KCTD16: variants seen among roughly 807,000 people sequenced by gnomAD.
KCTD16 encodes BTB/POZ domain-containing protein KCTD16.
A neutral mutation model predicts 33.2 loss-of-function variants in KCTD16; 13 were observed. That is an observed-to-expected ratio of 0.39 (90% CI 0.25 to 0.62). KCTD16 has a LOEUF of 0.62. KCTD16 is among the 20% of genes least tolerant of loss of function. KCTD16 has a pLI of 0.50. For missense variants in KCTD16, 441 were observed against 525.1 expected, an observed-to-expected ratio of 0.84 and a Z score of 1.57; for synonymous variants, 197 against 195.3, an observed-to-expected ratio of 1.01 and a Z score of -0.07.
intron 3 of KCTD16, among the ~76,000 whole-genome samples, chr5:144,294,759 G>A (rs2126864951): frequency 6.6e-6 from 1 of 152,260 alleles, no homozygotes; most frequent in East Asian, 1.9e-4. Context: ...ATGTGCATAT[G>A]CCATCTTAAC....
Position 144,482,156 on chromosome 5 carries a change from CCT to C in KCTD16, c.*8048_*8049del, listed in dbSNP as rs1754716167. On this transcript the variant is annotated 3_prime_UTR_variant, in exon 4 of 4. Coordinates refer to ENST00000512467, the MANE Select transcript of KCTD16 (RefSeq NM_020768.4). ...TGTTCTCTGAACTTTGCCTGTTTCT[CCT>C]CTCTCCTATGCTAAACAAGGTGAGA... 6.6e-6 allele frequency: 1 copy of C among 151,932 alleles called. No homozygotes were observed. The highest frequency in any genetic ancestry group is 1.5e-5 in the Non-Finnish European group (1 of 67,944). 9.4% of individuals were successfully genotyped at this position (151,932 alleles called of 1,614,324 possible). A position where few individuals can be genotyped will look rare whatever the true frequency, so the allele number is the denominator to read the frequency against.
intron 3 of KCTD16, among the ~76,000 whole-genome samples, chr5:144,215,419 C>G (rs1008515510): frequency 1.3e-5 from 2 of 152,210 alleles, no homozygotes; most frequent in African/African-American, 4.8e-5. Flanking sequence ...TTTCTTACTG[C>G]CAAAGTATTC....
chr5:144,344,997 C>T (rs1752751399), intron 3 of KCTD16, among the ~76,000 whole-genome samples: 1 of 151,636 alleles, frequency 6.6e-6, no homozygotes, highest in African/African-American at 2.4e-5. Context: ...AAATGTGGCA[C>T]ATATACACCA....
At chr5:144,322,266 C>A (rs1243976628) in intron 3 of KCTD16, among the ~76,000 whole-genome samples, 2 of 152,102 alleles carry the variant, frequency 1.3e-5, no homozygotes, top group African/African-American at 4.8e-5. Flanking sequence ...ATCCCCAAGT[C>A]TATGAGGGAA....
Position 144,206,896 on chromosome 5 carries a change from C to A in KCTD16, c.182C>A (p.Thr61Lys). The part of the protein sequence containing the change: ...LWKMFSPKRD[T>K]ANDLAKDSKG... ...AAAATGTTTTCCCCAAAGAGAGACA[C>A]GGCTAATGATCTAGCCAAGGACTCC... Residue 61 changes from threonine to lysine, a missense_variant, in exon 3 of 4, where the codon ACG becomes AAG. Coordinates refer to ENST00000512467, the MANE Select transcript of KCTD16 (RefSeq NM_020768.4). The A allele has an allele frequency of 6.2e-7, 1 of 1,614,124 alleles. No individual in the cohort carries two copies. Among genetic ancestry groups the A allele is most frequent in the Non-Finnish European group, 8.5e-7 (1 of 1,180,012 alleles).
intron 2 of KCTD16, among the ~76,000 whole-genome samples, chr5:144,196,469 C>T (rs1197209000): frequency 6.6e-6 from 1 of 152,122 alleles, no homozygotes; most frequent in East Asian, 1.9e-4. Context: ...TTCTCCATCC[C>T]TAGCCCTTTC....
intron 3 of KCTD16, among the ~76,000 whole-genome samples, chr5:144,304,153 A>G (rs1751523444): frequency 6.6e-6 from 1 of 152,246 alleles, no homozygotes; most frequent in Admixed American, 6.5e-5. Flanking sequence ...CAAGTAAATC[A>G]TGTGAGGATA....
At chr5:144,208,804 G>C (rs1036202415) in intron 3 of KCTD16, among the ~76,000 whole-genome samples, 3 of 152,132 alleles carry the variant, frequency 2.0e-5, no homozygotes, top group Non-Finnish European at 2.9e-5. Flanking sequence ...AGAACAACCT[G>C]TGGAAAAAAA....
chr5:144,176,387 CTTTTTTTTTT>C (rs368578231), intron 2 of KCTD16, among the ~76,000 whole-genome samples: 5 of 106,660 alleles, frequency 4.7e-5, no homozygotes, highest in African/African-American at 6.8e-5. Flanking sequence ...TATAGTGTTT[CTTTTTTTTTT>C]TTTTTTTTTT....
At chr5:144,417,235 T>C (rs1415675406) in intron 3 of KCTD16, among the ~76,000 whole-genome samples, 1 of 152,152 alleles carries the variant, frequency 6.6e-6, no homozygotes, top group Non-Finnish European at 1.5e-5. Flanking sequence ...TCATCACCAA[T>C]GTGGAGAGTT....
chr5:144,206,204 T>C (rs559936685), intron 2 of KCTD16, among the ~76,000 whole-genome samples, 185 bp from the exon 3 acceptor site: 1 of 152,334 alleles, frequency 6.6e-6, no homozygotes, highest in South Asian at 2.1e-4. Context: ...AGGCACAAAA[T>C]AGCATGAGAG....
chr5:144,322,742 C>A (rs28670770), intron 3 of KCTD16, among the ~76,000 whole-genome samples: 14,335 of 144,302 alleles, frequency 0.099, 1,698 homozygotes, highest in African/African-American at 0.29. Context: ...AAAAAAAAAA[C>A]AAAAACTTCT....
intron 3 of KCTD16, among the ~76,000 whole-genome samples, chr5:144,357,192 C>T (rs546237979): frequency 2.6e-5 from 4 of 152,138 alleles, no homozygotes; most frequent in Admixed American, 2.6e-4. Context: ...ACAAGGCTGC[C>T]AGTCACTTAT....
rs987161712 is a variant in KCTD16 at position 144,483,414 on chromosome 5, T to A, written c.*9300T>A. ...TAGTAAATAATTTATAATATGCATA[T>A]TGTAAATAGATACTAAAAGTCATGG... On this transcript the variant is annotated 3_prime_UTR_variant, in exon 4 of 4. Coordinates refer to ENST00000512467, the MANE Select transcript of KCTD16 (RefSeq NM_020768.4). The A allele has an allele frequency of 3.9e-5, 6 of 151,928 alleles. No homozygotes were observed. The highest frequency in any genetic ancestry group is 1.4e-4 in the African/African-American group (6 of 41,400). The allele number at this position is 151,928 out of a possible 1,614,324, so 9.4% of individuals were successfully genotyped here.
At chr5:144,417,583 T>G (rs1196021240) in intron 3 of KCTD16, among the ~76,000 whole-genome samples, 2 of 152,202 alleles carry the variant, frequency 1.3e-5, no homozygotes, top group Non-Finnish European at 2.9e-5. Context: ...TTTGACAATT[T>G]CTTAGAACAA....
At chr5:144,279,693 C>T (rs1755547752) in intron 3 of KCTD16, among the ~76,000 whole-genome samples, 2 of 152,210 alleles carry the variant, frequency 1.3e-5, no homozygotes, top group Admixed American at 1.3e-4. Flanking sequence ...ATAACAAATC[C>T]ACTCTAGTGG....
Position 144,226,061 on chromosome 5 carries a change from T to A in KCTD16, c.832+18515T>A, listed in dbSNP as rs77951791. On this transcript the variant is annotated intron_variant, in intron 3 of 3. Transcript: ENST00000512467. ...AAGTATACACTTTTGCTTTTCCTTA[T>A]CTCTTATGGTTTTTGTTTTTCTCCA... Among the ~76,000 whole-genome samples, 1,478 of 152,326 alleles carry A rather than the reference T, an allele frequency of 9.7e-3. 22 individuals carry two copies. The highest frequency in any genetic ancestry group is 0.033 in the African/African-American group (1,390 of 41,568).
In KCTD16 at chr5:144,206,761, G is replaced by T. The variant is rs1183994388; in HGVS notation, c.47G>T (p.Gly16Val). The T allele has an allele frequency of 1.9e-6, 3 of 1,614,050 alleles. No individual in the cohort carries two copies. Among genetic ancestry groups the T allele is most frequent in the East Asian group, 4.5e-5 (2 of 44,854 alleles). ...NCSRYYPREQ[G>V]SAVPNSFPEV... Reference sequence around the variant, plus strand: ...AGTCGTTATTATCCTCGAGAACAAGGGTCCGCAGTTCCCAACTCCTTCCCT... The same window carrying T: ...AGTCGTTATTATCCTCGAGAACAAGTGTCCGCAGTTCCCAACTCCTTCCCT... Residue 16 changes from glycine to valine, a missense_variant, in exon 3 of 4, where the codon GGG becomes GTG. Coordinates refer to ENST00000512467, the MANE Select transcript of KCTD16 (RefSeq NM_020768.4).
chr5:144,292,534 G>T (rs1755923163), intron 3 of KCTD16, among the ~76,000 whole-genome samples: 1 of 152,132 alleles, frequency 6.6e-6, no homozygotes, highest in Non-Finnish European at 1.5e-5. Context: ...CCCTAGACGT[G>T]CTGCTTTGTG....
Sources: allele counts gnomAD v4.1 joint callset (sites outside exome capture counted in the v4.1 genomes callset), GRCh38; gene constraint gnomAD v4.1.1; transcripts MANE v1.5; gene names NCBI Gene and HGNC (gene_info 2026-07-23, HGNC 2026-07-21).